LYPD6B: variants seen among roughly 807,000 people sequenced by gnomAD.
LYPD6B encodes the protein ly6/PLAUR domain-containing protein 6B.
Under a neutral mutation model 22.8 loss-of-function variants are expected in LYPD6B, and 17 were observed. That is an observed-to-expected ratio of 0.75 (90% CI 0.51 to 1.12). The LOEUF (loss-of-function observed/expected upper bound fraction) is 1.12. Ranked by LOEUF, LYPD6B falls within the 50% of genes most tolerant of loss-of-function variation. LYPD6B has a pLI of 0.00. For missense variants in LYPD6B, 221 were observed against 258.3 expected (o/e 0.86, Z 0.99); for synonymous variants, 106 against 91.6 (o/e 1.16, Z -0.90).
chr2:149,047,311 A>G (rs979457309), intron 1 of LYPD6B, among the ~76,000 whole-genome samples: 1 of 152,086 alleles, frequency 6.6e-6, no homozygotes, highest in Non-Finnish European at 1.5e-5. Context: ...TTTACTGGGT[A>G]TAAAATTCTG....
intron 1 of LYPD6B, among the ~76,000 whole-genome samples, chr2:149,062,660 T>A (rs368781203): frequency 6.6e-6 from 1 of 152,074 alleles, no homozygotes; most frequent in Non-Finnish European, 1.5e-5. Flanking sequence ...ACGACAAGAA[T>A]AGACATGCAG....
In LYPD6B at chr2:149,187,463, A is replaced by C. The variant is rs1294540950; in HGVS notation, c.78-17790A>C. On this transcript the variant is annotated intron_variant, in intron 3 of 6. Transcript: ENST00000409642. ...TTGTACAGAAGAAGATGAGAATCAC[A>C]GTAAACCAAACAAAGGAAATGCAGA... 42 of 1,525,574 alleles carry C rather than the reference A, an allele frequency of 2.8e-5. No individual in the cohort carries two copies. In the East Asian group the frequency reaches 1.0e-3, roughly 37 times the overall value. 94.5% of individuals were successfully genotyped at this position (1,525,574 alleles called of 1,614,324 possible).
chr2:149,180,278 G>A (rs563167284), intron 3 of LYPD6B, among the ~76,000 whole-genome samples: 23 of 152,196 alleles, frequency 1.5e-4, no homozygotes, highest in South Asian at 1.0e-3. Context: ...CTGATTCAGC[G>A]GGCAGTGAAG....
intron 2 of LYPD6B, among the ~76,000 whole-genome samples, chr2:149,134,114 C>T (rs568240563): frequency 3.6e-4 from 54 of 152,108 alleles, no homozygotes; most frequent in African/African-American, 1.1e-3. Flanking sequence ...GAGAAGGGGA[C>T]GTACAGCGGA....
intron 1 of LYPD6B, among the ~76,000 whole-genome samples, chr2:149,065,061 T>G (rs539845198): frequency 6.6e-6 from 1 of 152,104 alleles, no homozygotes; most frequent in African/African-American, 2.4e-5. Context: ...TGGTTGGGAG[T>G]AAAAGGGCAG....
At chr2:149,080,797 G>A (rs966784902) in intron 1 of LYPD6B, among the ~76,000 whole-genome samples, 6 of 140,174 alleles carry the variant, frequency 4.3e-5, no homozygotes, top group East Asian at 2.1e-4. Flanking sequence ...AGCCAAGATC[G>A]TGCCACTGCA....
chr2:149,149,897 G>A (rs908931664), intron 2 of LYPD6B, among the ~76,000 whole-genome samples: 1 of 152,120 alleles, frequency 6.6e-6, no homozygotes, highest in African/African-American at 2.4e-5. Context: ...CTTTATTGTT[G>A]TAGCTGTTTC....
chr2:149,196,958 A>T (rs1193319564), intron 3 of LYPD6B, among the ~76,000 whole-genome samples: 1 of 152,120 alleles, frequency 6.6e-6, no homozygotes, highest in Non-Finnish European at 1.5e-5. Flanking sequence ...CACTCAACCA[A>T]TGTCGAGTAA....
chr2:149,103,870 G>A (rs144312564), intron 1 of LYPD6B, among the ~76,000 whole-genome samples: 160 of 137,590 alleles, frequency 1.2e-3, no homozygotes, highest in Middle Eastern at 4.2e-3. Flanking sequence ...TCTGGCTCCC[G>A]GGTGCAAGCA....
rs58517638 is a variant in LYPD6B at position 149,138,887 on chromosome 2, T to C, written c.5+7934T>C. Among the ~76,000 whole-genome samples, 68 of 152,338 alleles carry C rather than the reference T, an allele frequency of 4.5e-4. 1 individual carries two copies. In the East Asian group the frequency reaches 0.012, roughly 26 times the overall value. On this transcript the variant is annotated intron_variant, in intron 2 of 6. Coordinates refer to ENST00000409642, the MANE Select transcript of LYPD6B (RefSeq NM_177964.5). ...CTTTAAGAACACACAGAAGCATATG[T>C]TCAACATTCTCCAAAACAATTTTTG... is the stretch of plus-strand genomic sequence containing the variant.
intron 6 of LYPD6B, among the ~76,000 whole-genome samples, chr2:149,214,334 A>G (rs1460305780): frequency 6.6e-6 from 1 of 152,112 alleles, no homozygotes; most frequent in Non-Finnish European, 1.5e-5. Flanking sequence ...CACAGTTAGG[A>G]TAAAAGACTT....
chr2:149,193,305 T>G (rs1012520534), intron 3 of LYPD6B, among the ~76,000 whole-genome samples: 2 of 152,150 alleles, frequency 1.3e-5, no homozygotes, highest in African/African-American at 4.8e-5. Flanking sequence ...GCCACTACTT[T>G]TAAAGGTACA....
intron 3 of LYPD6B, among the ~76,000 whole-genome samples, chr2:149,180,599 G>C (rs1376341034): frequency 1.3e-5 from 2 of 152,194 alleles, no homozygotes; most frequent in African/African-American, 2.4e-5. Context: ...TTTCCTACTG[G>C]AAGCATCCTA....
intron 1 of LYPD6B, among the ~76,000 whole-genome samples, chr2:149,130,459 C>G (rs925066438): frequency 3.9e-5 from 6 of 152,126 alleles, no homozygotes; most frequent in Non-Finnish European, 7.3e-5. Context: ...TCTTAGGTAC[C>G]TGACAAATTC....
intron 3 of LYPD6B, among the ~76,000 whole-genome samples, chr2:149,193,398 T>C (rs11891788): frequency 0.024 from 3,631 of 152,254 alleles, 129 homozygotes; most frequent in African/African-American, 0.083. Flanking sequence ...AGGAGTCTTA[T>C]GGTCTGGAAA....
intron 1 of LYPD6B, chr2:149,119,111 G>A (rs563846852): frequency 2.6e-5 from 4 of 152,214 alleles, no homozygotes; most frequent in African/African-American, 2.4e-5. Context: ...AGATTATCGC[G>A]GAACACCTGC....
At chr2:149,049,161 A>C (rs1279767578) in intron 1 of LYPD6B, among the ~76,000 whole-genome samples, 1 of 152,220 alleles carries the variant, frequency 6.6e-6, no homozygotes, top group Non-Finnish European at 1.5e-5. Flanking sequence ...AGTGGTACAC[A>C]GTGCCTGTGA....
chr2:149,062,061 A>T (rs1403930621), intron 1 of LYPD6B, among the ~76,000 whole-genome samples: 1 of 151,458 alleles, frequency 6.6e-6, no homozygotes, highest in African/African-American at 2.4e-5. Flanking sequence ...ATCTCAGCTC[A>T]CCACAAACTC....
chr2:149,182,490 A>G (rs1193063728), intron 3 of LYPD6B, among the ~76,000 whole-genome samples: 3 of 152,254 alleles, frequency 2.0e-5, no homozygotes, highest in Non-Finnish European at 2.9e-5. Flanking sequence ...ATCCTCCCAC[A>G]GCAAGATTGA....
Sources: allele counts gnomAD v4.1 joint callset (sites outside exome capture counted in the v4.1 genomes callset), GRCh38; gene constraint gnomAD v4.1.1; transcripts MANE v1.5; gene names NCBI Gene and HGNC (gene_info 2026-07-23, HGNC 2026-07-21).